Variants in INPP5B observed in about 807,000 individuals in gnomAD.
The protein encoded by INPP5B is type II inositol 1,4,5-trisphosphate 5-phosphatase.
In INPP5B, 90 loss-of-function variants were observed where a neutral mutation model predicts 118.5. That is an observed-to-expected ratio of 0.76 (90% CI 0.64 to 0.90). The LOEUF is 0.90. Among genes scored for constraint, INPP5B ranks in the 40% least tolerant of loss-of-function variants. The pLI, the probability that INPP5B is intolerant of heterozygous loss-of-function variation, is 0.00. For synonymous variants in INPP5B, 385 were observed against 418.9 expected (o/e 0.92, Z 0.99); for missense variants, 984 against 1,125.6 (o/e 0.87, Z 1.80).
At chr1:37,882,599 GA>G (rs1643271881) in intron 14 of INPP5B, among the ~76,000 whole-genome samples, 1 of 152,142 alleles carries the variant, frequency 6.6e-6, no homozygotes, top group Non-Finnish European at 1.5e-5. Flanking sequence ...TCCCACAGGA[GA>G]CAAGGTGCTT....
At chr1:37,882,529 C>T (rs1643267976) in intron 14 of INPP5B, among the ~76,000 whole-genome samples, 1 of 152,082 alleles carries the variant, frequency 6.6e-6, no homozygotes, top group Non-Finnish European at 1.5e-5. Flanking sequence ...CTCTTTTAGC[C>T]CTAACTTCAG....
At chr1:37,931,650 C>G in intron 7 of INPP5B, 1 of 1,534,218 alleles carries the variant, frequency 6.5e-7, no homozygotes. Flanking sequence ...CTCCCCAGCC[C>G]AGCTTCCCGC....
At position 37,931,921 on chromosome 1, in the gene INPP5B, A is replaced by G. The variant is rs1645490743; in HGVS notation, c.524T>C (p.Ile175Thr). The change falls in exon 7 of 24, where the codon ATT becomes ACT. Residue 175 changes from isoleucine to threonine, a missense_variant. Transcript: ENST00000373024. ...ALVTWPGYAT[I>T]GGGGSNFDGL... ...CCGGGACGGATACCTGCCTCCGCCA[A>G]TTGTCGCGTACCCTGGCCAGGTAAC... is the stretch of plus-strand genomic sequence containing the variant. The G allele has an allele frequency of 1.1e-5, 18 of 1,613,974 alleles. No individual in the cohort carries two copies. In the East Asian group the frequency reaches 4.0e-4, roughly 36 times the overall value.
In INPP5B at chr1:37,865,702, G is replaced by A. The variant is rs1641985026; in HGVS notation, c.2514+59C>T. On this transcript the variant is annotated intron_variant, in intron 22 of 23. Transcript: ENST00000373024. ...GCACTTGAGGAACTGTGTCCACTCT[G>A]TTCCCTTAGCCCCATGGGGTCTGGG... 5 of 1,589,170 alleles carry A rather than the reference G, an allele frequency of 3.1e-6. No homozygotes were observed. The South Asian group carries it at 5.6e-5, about 18-fold the overall frequency.
intron 7 of INPP5B, among the ~76,000 whole-genome samples, chr1:37,917,224 G>C (rs1644897198): frequency 6.9e-6 from 1 of 145,702 alleles, no homozygotes; most frequent in African/African-American, 2.5e-5. Context: ...GGGAGGCAGA[G>C]GTTGCAGTGA....
chr1:37,928,773 T>C (rs917542234), intron 7 of INPP5B: 2 of 152,206 alleles, frequency 1.3e-5, no homozygotes, highest in East Asian at 3.9e-4. Context: ...GGATTAGGCA[T>C]GAGCCACCGC....
At chr1:37,943,602 C>T (rs139200594) in intron 5 of INPP5B, 38 bp downstream of exon 5, 1 of 1,611,474 alleles carries the variant, frequency 6.2e-7, no homozygotes, top group African/African-American at 1.3e-5. Context: ...TCAGGCACCC[C>T]TGCCCCGAGT....
intron 6 of INPP5B, among the ~76,000 whole-genome samples, chr1:37,940,315 T>C (rs1184855372): frequency 1.3e-5 from 2 of 152,150 alleles, no homozygotes; most frequent in Non-Finnish European, 2.9e-5. Context: ...AGAGCCAATA[T>C]GACAGATGGT....
At chr1:37,920,902 C>CAG (rs1489545751) in intron 7 of INPP5B, among the ~76,000 whole-genome samples, 2 of 151,996 alleles carry the variant, frequency 1.3e-5, no homozygotes, top group Non-Finnish European at 2.9e-5. Context: ...GTCAGGAGAT[C>CAG]GAGACCATCC....
chr1:37,909,280 C>T (rs1644604404), intron 7 of INPP5B, among the ~76,000 whole-genome samples: 1 of 152,158 alleles, frequency 6.6e-6, no homozygotes, highest in South Asian at 2.1e-4. Context: ...TGGGAATCCT[C>T]CTTTTCTACA....
In INPP5B at chr1:37,907,786, T is replaced by A. The variant is rs1445464229; in HGVS notation, c.533-16332A>T. Among the ~76,000 whole-genome samples, 1 of 152,132 alleles carries A rather than the reference T, an allele frequency of 6.6e-6. No homozygotes were observed. Among genetic ancestry groups the A allele is most frequent in the Non-Finnish European group, 1.5e-5 (1 of 68,020 alleles). ...GGTAATGTCAGGAAGTTACCCTATA[T>A]GGTCTAAAAAGGGGAGGCATGAATA... is the stretch of plus-strand genomic sequence containing the variant. On this transcript the variant is annotated intron_variant, in intron 7 of 23. Coordinates refer to ENST00000373024, the MANE Select transcript of INPP5B (RefSeq NM_005540.3). The surrounding 1 kb of genome is among the most constrained non-coding windows in gnomAD (Gnocchi z 4.3).
Position 37,889,540 on chromosome 1 carries a change from A to G in INPP5B, c.797+17T>C. On this transcript the variant is annotated intron_variant, in intron 9 of 23. Coordinates refer to ENST00000373024, the MANE Select transcript of INPP5B (RefSeq NM_005540.3). ...GATCATTCTGCTCTGAAAACATCCT[A>G]GAACCCAGTTAGCTACCTGAAGTTC... 6.2e-7 allele frequency: 1 copy of G among 1,604,720 alleles called. No homozygotes were observed. The highest frequency in any genetic ancestry group is 8.5e-7 in the Non-Finnish European group (1 of 1,174,212).
intron 7 of INPP5B, chr1:37,930,723 C>T (rs559813808): frequency 9.8e-5 from 15 of 152,342 alleles, no homozygotes; most frequent in African/African-American, 3.4e-4. Flanking sequence ...CTGCTCACCT[C>T]GTTTCCTCTC....
chr1:37,927,677 C>A (rs1050344478), intron 7 of INPP5B, among the ~76,000 whole-genome samples: 1 of 151,696 alleles, frequency 6.6e-6, no homozygotes, highest in African/African-American at 2.4e-5. Flanking sequence ...GCTGGGACTA[C>A]AGGCGCCCAC....
intron 7 of INPP5B, among the ~76,000 whole-genome samples, chr1:37,908,775 C>T (rs1644588327): frequency 6.6e-6 from 1 of 152,164 alleles, no homozygotes; most frequent in Non-Finnish European, 1.5e-5. Context: ...CACCCACATT[C>T]CCTTGGTGGC....
chr1:37,881,706 G>A (rs1375818244), intron 14 of INPP5B, among the ~76,000 whole-genome samples: 1 of 152,160 alleles, frequency 6.6e-6, no homozygotes, highest in Non-Finnish European at 1.5e-5. Context: ...AACTACAAGA[G>A]AAATTAGAAT....
intron 9 of INPP5B, among the ~76,000 whole-genome samples, chr1:37,888,638 A>C (rs1363129669): frequency 6.6e-6 from 1 of 152,218 alleles, no homozygotes; most frequent in Non-Finnish European, 1.5e-5. Flanking sequence ...TTTGCCTTGT[A>C]TATACTACTG....
intron 7 of INPP5B, among the ~76,000 whole-genome samples, chr1:37,899,777 C>T (rs146245202): frequency 2.2e-3 from 337 of 151,098 alleles, no homozygotes; most frequent in African/African-American, 7.7e-3. Flanking sequence ...TGCAGCGGCA[C>T]GATCTCGGCT....
intron 7 of INPP5B, among the ~76,000 whole-genome samples, chr1:37,908,413 C>A (rs547002643): frequency 1.3e-5 from 2 of 152,216 alleles, no homozygotes; most frequent in South Asian, 4.2e-4. Flanking sequence ...CCTGTCCTTC[C>A]AATTCCAATT....
Sources: gnomAD v4.1 joint callset for allele counts (sites outside exome capture counted in the v4.1 genomes callset) on GRCh38, gnomAD v4.1.1 for gene constraint, Gnocchi (gnomAD v3.1) non-coding constraint, MANE v1.5 for transcripts, NCBI Gene and HGNC (gene_info 2026-07-23, HGNC 2026-07-21) for gene names.